The following GNAQ variants were observed in gnomAD, a reference collection of about 807,000 sequenced individuals.
The protein encoded by GNAQ is guanine nucleotide-binding protein G(q) subunit alpha.
A neutral mutation model predicts 43.9 loss-of-function variants in GNAQ; 8 were observed. The ratio of observed to expected loss-of-function variants is 0.18; its 90% CI spans 0.11 to 0.33. The LOEUF (loss-of-function observed/expected upper bound fraction) is 0.33, where lower values mean the gene tolerates loss of function less well. Ranked by LOEUF, GNAQ falls within the 10% of genes least tolerant of loss-of-function variation. GNAQ has a pLI of 1.00. For missense variants in GNAQ, 158 were observed against 450.8 expected (o/e 0.35, Z 5.88); for synonymous variants, 155 against 170.7 (o/e 0.91, Z 0.71).
chr9:77,907,475 G>A (rs1828728613), intron 2 of GNAQ, among the ~76,000 whole-genome samples: 1 of 152,200 alleles, frequency 6.6e-6, no homozygotes, highest in Admixed American at 6.5e-5. Context: ...ATTTTGTTAA[G>A]TATCTTGCCT....
intron 2 of GNAQ, among the ~76,000 whole-genome samples, chr9:77,820,520 T>C (rs147879028): frequency 4.6e-4 from 70 of 152,308 alleles, no homozygotes; most frequent in African/African-American, 1.5e-3. Context: ...TCCACACTTA[T>C]GATTCAACAT....
intron 5 of GNAQ, among the ~76,000 whole-genome samples, chr9:77,739,483 ATT>A (rs1366098415): frequency 6.6e-6 from 1 of 152,218 alleles, no homozygotes; most frequent in Non-Finnish European, 1.5e-5. Flanking sequence ...GTCATTTTGA[ATT>A]TTGAGTGTTT....
intron 1 of GNAQ, among the ~76,000 whole-genome samples, chr9:78,022,640 T>C (rs985833320): frequency 1.3e-5 from 2 of 152,212 alleles, no homozygotes; most frequent in East Asian, 1.9e-4. Context: ...ACAAGAGAGT[T>C]AAACCTGGCA....
intron 5 of GNAQ, among the ~76,000 whole-genome samples, chr9:77,753,191 T>G (rs1825843409): frequency 6.6e-6 from 1 of 151,762 alleles, no homozygotes; most frequent in South Asian, 2.1e-4. Context: ...TGAAGACACA[T>G]GGCTCAGACA....
At chr9:77,813,025 G>GT (rs1355523537) in intron 3 of GNAQ, among the ~76,000 whole-genome samples, 2 of 151,878 alleles carry the variant, frequency 1.3e-5, no homozygotes, top group Non-Finnish European at 2.9e-5. Flanking sequence ...CAATTCTCCT[G>GT]TTTCAGCCTC....
chr9:77,888,202 A>G (rs532796374), intron 2 of GNAQ, among the ~76,000 whole-genome samples: 10 of 152,356 alleles, frequency 6.6e-5, no homozygotes, highest in Non-Finnish European at 1.3e-4. Context: ...ATCAATAGAC[A>G]TTAAAATAAA....
intron 2 of GNAQ, among the ~76,000 whole-genome samples, chr9:77,859,683 TTA>T (rs1044943455): frequency 6.6e-6 from 1 of 152,154 alleles, no homozygotes; most frequent in Non-Finnish European, 1.5e-5. Context: ...GTTCATTTGT[TTA>T]TAGATTTGGA....
intron 2 of GNAQ, among the ~76,000 whole-genome samples, chr9:77,906,572 T>TA (rs1383399617): frequency 6.6e-5 from 10 of 152,220 alleles, no homozygotes; most frequent in African/African-American, 1.9e-4. Context: ...TATACTCGAT[T>TA]AAAAAAAATC....
intron 4 of GNAQ, among the ~76,000 whole-genome samples, chr9:77,796,567 T>C (rs575826119): frequency 2.0e-5 from 3 of 152,240 alleles, no homozygotes; most frequent in Non-Finnish European, 4.4e-5. Flanking sequence ...AACAGAATGC[T>C]TCTGCTGAAG....
intron 5 of GNAQ, among the ~76,000 whole-genome samples, chr9:77,760,232 C>CCCTCCTCTCCCTCTA (rs1238155574): frequency 6.8e-6 from 1 of 147,220 alleles, no homozygotes; most frequent in Admixed American, 6.8e-5. Context: ...CTCTCCCTCT[C>CCCTCCTCTCCCTCTA]CCCACGGTCT....
At chr9:77,919,612 A>G (rs1451255654) in intron 2 of GNAQ, among the ~76,000 whole-genome samples, 1 of 152,126 alleles carries the variant, frequency 6.6e-6, no homozygotes, top group Non-Finnish European at 1.5e-5. Flanking sequence ...GGTGAAAATG[A>G]CGCTTTAGAA....
chr9:77,790,881 C>A (rs1177935263), intron 5 of GNAQ, among the ~76,000 whole-genome samples: 1 of 152,186 alleles, frequency 6.6e-6, no homozygotes, highest in African/African-American at 2.4e-5. Context: ...GTGAGGTCAG[C>A]TGGTAGATTC....
chr9:77,892,791 T>C (rs976694027), intron 2 of GNAQ, among the ~76,000 whole-genome samples: 1 of 152,138 alleles, frequency 6.6e-6, no homozygotes, highest in Non-Finnish European at 1.5e-5. Context: ...CACTGAATGA[T>C]CCCTTTTGGA....
chr9:77,814,584 G>C (rs1826982557), intron 3 of GNAQ, among the ~76,000 whole-genome samples: 1 of 152,122 alleles, frequency 6.6e-6, no homozygotes, highest in Non-Finnish European at 1.5e-5. Context: ...CAAATGCCTA[G>C]AATTAGAGTA....
intron 1 of GNAQ, among the ~76,000 whole-genome samples, chr9:77,953,251 G>A (rs1484265279): frequency 1.3e-5 from 2 of 152,170 alleles, no homozygotes; most frequent in African/African-American, 2.4e-5. Flanking sequence ...GTAGGACCAG[G>A]TCTATTTACA....
chr9:77,978,768 A>T (rs2378101), intron 1 of GNAQ, among the ~76,000 whole-genome samples: 1 of 152,112 alleles, frequency 6.6e-6, no homozygotes, highest in African/African-American at 2.4e-5. Context: ...TTTCACTTTT[A>T]AAAAAAATGG....
At chr9:77,962,246 A>G (rs1419371306) in intron 1 of GNAQ, among the ~76,000 whole-genome samples, 1 of 152,152 alleles carries the variant, frequency 6.6e-6, no homozygotes, top group Non-Finnish European at 1.5e-5. Flanking sequence ...GGGAATATAA[A>G]AGGAAAAATA....
At chr9:77,779,014 G>T (rs1006253348) in intron 5 of GNAQ, among the ~76,000 whole-genome samples, 1 of 151,918 alleles carries the variant, frequency 6.6e-6, no homozygotes, top group African/African-American at 2.4e-5. Context: ...AACAGATCCA[G>T]CATGCAGAAA....
intron 2 of GNAQ, among the ~76,000 whole-genome samples, chr9:77,866,267 C>T (rs1403385347): frequency 6.6e-6 from 1 of 152,124 alleles, no homozygotes; most frequent in African/African-American, 2.4e-5. Flanking sequence ...CATTTGAGGT[C>T]AGGAGCTCCA....
Sources: allele counts gnomAD v4.1 joint callset (sites outside exome capture counted in the v4.1 genomes callset), GRCh38; gene constraint gnomAD v4.1.1; transcripts MANE v1.5; gene names NCBI Gene and HGNC (gene_info 2026-07-23, HGNC 2026-07-21).